Variants in USP25 observed in about 807,000 individuals in gnomAD.
The protein encoded by USP25 is ubiquitin carboxyl-terminal hydrolase 25.
In USP25, 85 loss-of-function variants were observed where a neutral mutation model predicts 158.5. That is an observed-to-expected ratio of 0.54 (90% confidence interval 0.45 to 0.64). The LOEUF is 0.64. Ranked by LOEUF, USP25 falls within the 30% of genes least tolerant of loss-of-function variation. USP25 has a pLI of 0.00. For synonymous variants in USP25, 464 were observed against 460.4 expected, an observed-to-expected ratio of 1.01 and a Z score of -0.10; for missense variants, 1,242 against 1,327.3, an observed-to-expected ratio of 0.94 and a Z score of 1.00.
At position 15,791,491 on chromosome 21, in the gene USP25, C is replaced by T. The variant is rs1043184494; in HGVS notation, c.393-11C>T. Reference sequence around the variant, plus strand: ...TATATAATGCTGCATTTTTTTCCACCATTGATTAAGAGTTCTTGAAGCCAG... The same window carrying T: ...TATATAATGCTGCATTTTTTTCCACTATTGATTAAGAGTTCTTGAAGCCAG... On this transcript the variant is annotated splice_polypyrimidine_tract_variant and intron_variant, in intron 4 of 25. Transcript: ENST00000400183. The T allele has an allele frequency of 3.2e-6, 5 of 1,583,190 alleles. No homozygotes were observed. In the African/African-American group the frequency reaches 6.8e-5, roughly 22 times the overall value.
chr21:15,839,773 A>T (rs1405771231), intron 17 of USP25, among the ~76,000 whole-genome samples: 1 of 151,972 alleles, frequency 6.6e-6, no homozygotes, highest in African/African-American at 2.4e-5. Context: ...CCCTGTGAGT[A>T]GCCTGTGTTT....
At chr21:15,799,707 T>G (rs758880848) in intron 5 of USP25, 50 bp from the exon 6 acceptor site, 3 of 1,309,762 alleles carry the variant, frequency 2.3e-6, no homozygotes, top group East Asian at 2.4e-5. Flanking sequence ...TTTTACATTC[T>G]GCTAATGGAA....
At chr21:15,874,351 G>A in intron 23 of USP25, 52 bp from the exon 24 acceptor site, 3 of 1,480,920 alleles carry the variant, frequency 2.0e-6, no homozygotes, top group Non-Finnish European at 2.7e-6. Flanking sequence ...AGCTGACTTT[G>A]TTTCTACAAA....
At chr21:15,823,504 T>C (rs2037339348) in intron 10 of USP25, among the ~76,000 whole-genome samples, 1 of 152,118 alleles carries the variant, frequency 6.6e-6, no homozygotes, top group Non-Finnish European at 1.5e-5. Context: ...TAGTGATATG[T>C]CTTTTTCATA....
At chr21:15,806,932 G>GT (rs955466925) in intron 7 of USP25, among the ~76,000 whole-genome samples, 14 of 150,048 alleles carry the variant, frequency 9.3e-5, no homozygotes, top group East Asian at 1.9e-4. Context: ...TTCCGTGTTT[G>GT]TTTTTTTTTG....
At chr21:15,794,792 C>T (rs1318088002) in intron 5 of USP25, among the ~76,000 whole-genome samples, 2 of 151,412 alleles carry the variant, frequency 1.3e-5, no homozygotes, top group African/African-American at 2.4e-5. Context: ...GCAGAGAGCA[C>T]ATTTAGGGTA....
chr21:15,850,182 A>G (rs1009325042), intron 20 of USP25, among the ~76,000 whole-genome samples: 1 of 152,116 alleles, frequency 6.6e-6, no homozygotes, highest in East Asian at 1.9e-4. Context: ...TTAATGAACA[A>G]TAATAAGAAC....
chr21:15,826,512 G>C lies in USP25; in HGVS notation c.1466+147G>C, dbSNP rs1482469247. 1.1e-6 allele frequency: 1 copy of C among 892,828 alleles called. No individual in the cohort carries two copies. Among genetic ancestry groups the C allele is most frequent in the Non-Finnish European group, 1.7e-6 (1 of 605,148 alleles). 55.3% of individuals were successfully genotyped at this position (892,828 alleles called of 1,614,324 possible). A position where few individuals can be genotyped will look rare whatever the true frequency, so the allele number is the denominator to read the frequency against. Reference sequence around the variant, plus strand: ...AGTAGATTCACTTAGAAGACTGTATGTCCTCTGGGAGTTTTTTTATTATTT... The same window carrying C: ...AGTAGATTCACTTAGAAGACTGTATCTCCTCTGGGAGTTTTTTTATTATTT... On this transcript the variant is annotated intron_variant, in intron 13 of 25. Coordinates refer to ENST00000400183, the MANE Select transcript of USP25 (RefSeq NM_001283041.3). The surrounding 1 kb of genome is among the most constrained non-coding windows in gnomAD (Gnocchi z 4.8).
rs2040068328 is a variant in USP25 at position 15,875,621 on chromosome 21, G to A, written c.3009+1095G>A. 6.6e-6 allele frequency among the ~76,000 whole-genome samples: 1 copy of A among 152,178 alleles called. No homozygotes were observed. Among genetic ancestry groups the A allele is most frequent in the Non-Finnish European group, 1.5e-5 (1 of 68,036 alleles). ...TTTGGGAAGAACCTTAAGAGACAAG[G>A]TAAACCTCGTCTGGATCTTGATGGA... is the stretch of plus-strand genomic sequence containing the variant. On this transcript the variant is annotated intron_variant, in intron 24 of 25. Coordinates refer to ENST00000400183, the MANE Select transcript of USP25 (RefSeq NM_001283041.3). The surrounding 1 kb of genome is among the most constrained non-coding windows in gnomAD (Gnocchi z 4.7).
At chr21:15,756,595 AT>A (rs1244696505) in intron 1 of USP25, among the ~76,000 whole-genome samples, 1 of 152,162 alleles carries the variant, frequency 6.6e-6, no homozygotes, top group Non-Finnish European at 1.5e-5. Flanking sequence ...AAGGGAAAGA[AT>A]TTCTATGAAA....
intron 4 of USP25, among the ~76,000 whole-genome samples, chr21:15,779,627 T>G (rs902424408): frequency 9.9e-5 from 15 of 151,958 alleles, no homozygotes; most frequent in African/African-American, 3.6e-4. Context: ...AGGCTGTTCC[T>G]AATTTGATAT....
At chr21:15,844,878 C>A (rs1474711410) in intron 18 of USP25, among the ~76,000 whole-genome samples, 1 of 152,038 alleles carries the variant, frequency 6.6e-6, no homozygotes, top group Non-Finnish European at 1.5e-5. Flanking sequence ...ATAACCATTT[C>A]CCCATGTTGT....
intron 20 of USP25, among the ~76,000 whole-genome samples, chr21:15,851,132 AAT>A (rs759553474): frequency 2.0e-5 from 3 of 151,988 alleles, no homozygotes; most frequent in Non-Finnish European, 4.4e-5. Context: ...AAAAACACTG[AAT>A]ATATGTCCTC....
intron 9 of USP25, among the ~76,000 whole-genome samples, chr21:15,813,040 C>T (rs1368349859): frequency 6.6e-6 from 1 of 151,666 alleles, no homozygotes; most frequent in East Asian, 1.9e-4. Flanking sequence ...GGCACCCCCT[C>T]CCTGTTCTCT....
intron 6 of USP25, among the ~76,000 whole-genome samples, chr21:15,801,351 T>C (rs1290135736): frequency 1.3e-5 from 2 of 151,566 alleles, no homozygotes; most frequent in African/African-American, 4.8e-5. Flanking sequence ...ATTCCAGTCT[T>C]CAGCACCTTT....
At chr21:15,832,664 A>C (rs988636981) in intron 16 of USP25, among the ~76,000 whole-genome samples, 1 of 152,180 alleles carries the variant, frequency 6.6e-6, no homozygotes, top group Admixed American at 6.5e-5. Context: ...TAAGTGATCA[A>C]ACATCTGGTA....
intron 3 of USP25, among the ~76,000 whole-genome samples, chr21:15,775,528 C>CTA (rs1013128725): frequency 1.3e-5 from 2 of 152,130 alleles, no homozygotes; most frequent in African/African-American, 4.8e-5. Flanking sequence ...GAACATACTT[C>CTA]TATAGCTGCA....
At chr21:15,830,393 A>G (rs2037738214) in intron 14 of USP25, 138 bp from the exon 15 acceptor site, 2 of 585,176 alleles carry the variant, frequency 3.4e-6, no homozygotes, top group Admixed American at 7.3e-5. Context: ...ACAGATTTCA[A>G]ATGGTAATGT....
At chr21:15,767,052 C>T (rs1451674929) in intron 3 of USP25, among the ~76,000 whole-genome samples, 3 of 152,022 alleles carry the variant, frequency 2.0e-5, no homozygotes, top group Non-Finnish European at 4.4e-5. Context: ...ATACTCCTGT[C>T]TCACTTAGTT....
Sources: gnomAD v4.1 joint callset for allele counts (sites outside exome capture counted in the v4.1 genomes callset) on GRCh38, gnomAD v4.1.1 for gene constraint, Gnocchi (gnomAD v3.1) non-coding constraint, MANE v1.5 for transcripts, NCBI Gene and HGNC (gene_info 2026-07-23, HGNC 2026-07-21) for gene names.